KCTD16: variants seen among roughly 807,000 people sequenced by gnomAD.
The protein encoded by KCTD16 is potassium channel tetramerization domain containing 16.
In KCTD16, 13 loss-of-function variants were observed where a neutral mutation model predicts 33.2. The ratio of observed to expected loss-of-function variants is 0.39; its 90% CI spans 0.25 to 0.62. The LOEUF (loss-of-function observed/expected upper bound fraction) is 0.62. Among genes scored for constraint, KCTD16 ranks in the 20% least tolerant of loss-of-function variants. The probability of loss-of-function intolerance (pLI) is 0.50; values close to 1 mark genes in which losing one functional copy is unlikely to be tolerated. For missense variants in KCTD16, 441 were observed against 525.1 expected, an observed-to-expected ratio of 0.84 and a Z score of 1.57; for synonymous variants, 197 against 195.3, an observed-to-expected ratio of 1.01 and a Z score of -0.07.
At chr5:144,293,719 A>G (rs10515537) in intron 3 of KCTD16, among the ~76,000 whole-genome samples, 33,128 of 152,196 alleles carry the variant, frequency 0.22, 4,006 homozygotes, top group Non-Finnish European at 0.28. Context: ...GCATAGTTTA[A>G]TAAGACAAAA....
At chr5:144,466,991 T>C (rs2126997314) in intron 3 of KCTD16, among the ~76,000 whole-genome samples, 1 of 46,514 alleles carries the variant, frequency 2.1e-5, no homozygotes, top group African/African-American at 8.2e-5. Flanking sequence ...TATAACACTA[T>C]ATATATTATA....
chr5:144,406,621 C>G (rs1752814574), intron 3 of KCTD16, among the ~76,000 whole-genome samples: 1 of 152,176 alleles, frequency 6.6e-6, no homozygotes, highest in Admixed American at 6.5e-5. Context: ...ATAACATTTA[C>G]ATCACATTTG....
chr5:144,286,500 A>G (rs1184356308), intron 3 of KCTD16, among the ~76,000 whole-genome samples: 1 of 152,188 alleles, frequency 6.6e-6, no homozygotes, highest in Non-Finnish European at 1.5e-5. Context: ...CTACTTAACA[A>G]TTCAATTCAA....
chr5:144,450,053 A>G (rs1753906598), intron 3 of KCTD16, among the ~76,000 whole-genome samples: 1 of 152,114 alleles, frequency 6.6e-6, no homozygotes, highest in African/African-American at 2.4e-5. Flanking sequence ...CATTTACCTG[A>G]TAAGAATGAA....
chr5:144,252,369 C>A (rs867634156), intron 3 of KCTD16, among the ~76,000 whole-genome samples: 9 of 152,170 alleles, frequency 5.9e-5, no homozygotes, highest in African/African-American at 2.2e-4. Flanking sequence ...ATCTTGATTT[C>A]TTTTCCTTTT....
At chr5:144,275,187 G>C (rs1755406092) in intron 3 of KCTD16, among the ~76,000 whole-genome samples, 1 of 152,120 alleles carries the variant, frequency 6.6e-6, no homozygotes. Context: ...AGGCAGAGAA[G>C]AAAGTGCCCA....
At chr5:144,371,274 T>C (rs947696203) in intron 3 of KCTD16, among the ~76,000 whole-genome samples, 4 of 152,196 alleles carry the variant, frequency 2.6e-5, no homozygotes, top group African/African-American at 9.6e-5. Flanking sequence ...TTTAGGTTTT[T>C]GAGATCTTTC....
intron 3 of KCTD16, among the ~76,000 whole-genome samples, chr5:144,370,627 T>C (rs151078966): frequency 1.3e-5 from 2 of 152,268 alleles, no homozygotes; most frequent in African/African-American, 2.4e-5. Context: ...ATAGCAGTTG[T>C]TTATAAAGGA....
chr5:144,355,674 A>G (rs1751554171), intron 3 of KCTD16, among the ~76,000 whole-genome samples: 1 of 151,906 alleles, frequency 6.6e-6, no homozygotes, highest in Non-Finnish European at 1.5e-5. Flanking sequence ...TTAGCCTACC[A>G]TTTTACAGAT....
intron 3 of KCTD16, among the ~76,000 whole-genome samples, chr5:144,444,615 A>C (rs1375043929): frequency 1.3e-5 from 2 of 151,868 alleles, no homozygotes; most frequent in African/African-American, 4.8e-5. Flanking sequence ...TAGATACAAA[A>C]CCCTTAGCTT....
chr5:144,278,685 G>T (rs994725012), intron 3 of KCTD16, among the ~76,000 whole-genome samples: 1 of 151,500 alleles, frequency 6.6e-6, no homozygotes, highest in African/African-American at 2.4e-5. Context: ...TTTTAGTAGA[G>T]ACGGGGTTTC....
chr5:144,382,059 C>G (rs1439141786), intron 3 of KCTD16, among the ~76,000 whole-genome samples: 1 of 137,272 alleles, frequency 7.3e-6, no homozygotes, highest in East Asian at 2.0e-4. Context: ...TGATGGAATA[C>G]TATGCAGCCC....
At chr5:144,328,898 G>A (rs1235304468) in intron 3 of KCTD16, among the ~76,000 whole-genome samples, 9 of 144,086 alleles carry the variant, frequency 6.2e-5, no homozygotes, top group African/African-American at 2.3e-4. Flanking sequence ...ATTTCTTATT[G>A]CCTGATTCAT....
intron 3 of KCTD16, among the ~76,000 whole-genome samples, chr5:144,227,584 A>G (rs1753973088): frequency 6.6e-6 from 1 of 152,238 alleles, no homozygotes; most frequent in Non-Finnish European, 1.5e-5. Context: ...GCTGCCTGCC[A>G]AATGATGTCA....
intron 3 of KCTD16, among the ~76,000 whole-genome samples, chr5:144,464,708 C>CTCTTCTTCCTCTTCTTCCTCCTCCTCT (rs1754279130): frequency 6.6e-6 from 1 of 150,640 alleles, no homozygotes; most frequent in South Asian, 2.1e-4. Flanking sequence ...CTTCCTCCTC[C>CTCTTCTTCCTCTTCTTCCTCCTCCTCT]TCTTCTTCTT....
At chr5:144,458,617 C>T (rs1322769377) in intron 3 of KCTD16, among the ~76,000 whole-genome samples, 1 of 152,188 alleles carries the variant, frequency 6.6e-6, no homozygotes, top group African/African-American at 2.4e-5. Context: ...ACTTATTCAG[C>T]TTCAGGTGCT....
At chr5:144,441,313 A>G (rs1753702551) in intron 3 of KCTD16, among the ~76,000 whole-genome samples, 3 of 152,122 alleles carry the variant, frequency 2.0e-5, no homozygotes, top group Admixed American at 2.0e-4. Flanking sequence ...TTTTAGTGCC[A>G]TATCTAATAA....
intron 3 of KCTD16, among the ~76,000 whole-genome samples, chr5:144,272,074 C>A (rs991598310): frequency 6.6e-6 from 1 of 151,974 alleles, no homozygotes; most frequent in African/African-American, 2.4e-5. Flanking sequence ...TATTAAGATG[C>A]CAATATTACT....
At chr5:144,322,740 AAC>A (rs1752106983) in intron 3 of KCTD16, among the ~76,000 whole-genome samples, 1 of 151,974 alleles carries the variant, frequency 6.6e-6, no homozygotes, top group Admixed American at 6.6e-5. Flanking sequence ...AAAAAAAAAA[AAC>A]AAAAACTTCT....
Sources: allele counts gnomAD v4.1 joint callset (sites outside exome capture counted in the v4.1 genomes callset), GRCh38; gene constraint gnomAD v4.1.1; transcripts MANE v1.5; gene names NCBI Gene and HGNC (gene_info 2026-07-23, HGNC 2026-07-21).